Variants in NCOR2 observed in about 807,000 individuals in gnomAD.
The protein encoded by NCOR2 is CTG repeat protein 26.
A neutral mutation model predicts 262.9 loss-of-function variants in NCOR2; 81 were observed. The ratio of observed to expected loss-of-function variants is 0.31; its 90% CI spans 0.26 to 0.37. NCOR2 has a LOEUF of 0.37. Among genes scored for constraint, NCOR2 ranks in the 10% least tolerant of loss-of-function variants. NCOR2 has a pLI of 1.00. For synonymous variants in NCOR2, 1,659 were observed against 1,559.3 expected, an observed-to-expected ratio of 1.06 and a Z score of -1.51; for missense variants, 3,385 against 3,621.4, an observed-to-expected ratio of 0.93 and a Z score of 1.68.
chr12:124,349,550 G>A (rs1172689882), intron 28 of NCOR2, among the ~76,000 whole-genome samples: 1 of 152,150 alleles, frequency 6.6e-6, no homozygotes. Flanking sequence ...TGGACGGCGT[G>A]AGCAGGCACC....
In NCOR2 at chr12:124,348,488, G is replaced by A. The variant is rs929874372; in HGVS notation, c.3845-174C>T. 2.9e-5 allele frequency: 24 copies of A among 840,684 alleles called. No individual in the cohort carries two copies. In the African/African-American group the frequency reaches 3.7e-4, roughly 13 times the overall value. The allele number at this position is 840,684 out of a possible 1,614,324, so 52.1% of individuals were successfully genotyped here. ...GGAGCTGGCAGCCTGCAGGCCCTGG[G>A]GGCCTGCCAGCAGGACCCAGGAGCT... On this transcript the variant is annotated intron_variant, in intron 28 of 46. Coordinates refer to ENST00000405201, the Ensembl canonical transcript of NCOR2.
chr12:124,417,363 C>T (rs539619832), intron 13 of NCOR2, among the ~76,000 whole-genome samples: 5 of 152,296 alleles, frequency 3.3e-5, no homozygotes, highest in South Asian at 2.1e-4. Context: ...CAGGATATGC[C>T]GGGCACCGAC....
chr12:124,434,106 G>A (rs950234730), intron 8 of NCOR2, among the ~76,000 whole-genome samples: 4 of 152,128 alleles, frequency 2.6e-5, no homozygotes, highest in Non-Finnish European at 4.4e-5. Flanking sequence ...TGGCAGGCTT[G>A]GGGGGCTGTG....
intron 20 of NCOR2, among the ~76,000 whole-genome samples, chr12:124,371,501 C>G (rs557248403): frequency 6.6e-6 from 1 of 152,216 alleles, no homozygotes. Context: ...AGTGTGGACA[C>G]AGAGATGCAC....
At chr12:124,544,400 G>A (rs532074236) in intron 1 of NCOR2, among the ~76,000 whole-genome samples, 91 of 152,350 alleles carry the variant, frequency 6.0e-4, no homozygotes, top group African/African-American at 1.8e-3. Context: ...TCTGCCCCGG[G>A]CTGCCCGCCC....
chr12:124,496,852 A>T (rs1246523693), upstream of NCOR2, among the ~76,000 whole-genome samples: 1 of 152,108 alleles, frequency 6.6e-6, no homozygotes, highest in East Asian at 1.9e-4. This position sits in a 1 kb window ranked among gnomAD's most constrained non-coding sequence, Gnocchi z 4.4. Flanking sequence ...AGTCAATGAG[A>T]ATCTGCCTTG....
chr12:124,386,778 A>C (rs1397426400), intron 16 of NCOR2, among the ~76,000 whole-genome samples: 3 of 152,252 alleles, frequency 2.0e-5, no homozygotes, highest in African/African-American at 7.2e-5. Context: ...TGGGAAGCCA[A>C]GCCCCCGGTC....
chr12:124,466,207 C>A (rs760665839), exon 5 of NCOR2: 1 of 1,610,622 alleles, frequency 6.2e-7, no homozygotes, highest in Admixed American at 1.7e-5. Context: ...CACCAGGCTG[C>A]GGTGCTTCGA....
At chr12:124,435,033 A>G (rs186726466) in intron 8 of NCOR2, among the ~76,000 whole-genome samples, 24 of 152,324 alleles carry the variant, frequency 1.6e-4, no homozygotes, top group Middle Eastern at 3.4e-3. Context: ...CTGAGGGCAG[A>G]TGTTTCCACG....
In NCOR2 at chr12:124,483,076, G is replaced by A. The variant is rs11057633; in HGVS notation, c.411+520C>T. ...CAGAGCCCTGAGCTGTCCACCTCGC[G>A]GGCCGGGGTTCAAGGCCCAGGGGGC... On this transcript the variant is annotated intron_variant, in intron 3 of 46. Coordinates refer to ENST00000405201, the Ensembl canonical transcript of NCOR2. The surrounding 1 kb of genome is among the most constrained non-coding windows in gnomAD (Gnocchi z 6.3). Among the ~76,000 whole-genome samples the A allele has an allele frequency of 0.095, 14,500 of 151,960 alleles. 786 individuals carry two copies. Among genetic ancestry groups the A allele is most frequent in the East Asian group, 0.16 (810 of 5,132 alleles).
exon 31 of NCOR2, chr12:124,346,681 C>T: frequency 3.2e-6 from 5 of 1,577,486 alleles, no homozygotes; most frequent in South Asian, 1.2e-5. Context: ...CCGTGGCCAC[C>T]AGGCCCTCAT....
chr12:124,510,654 G>C (rs756787436), intron 1 of NCOR2, among the ~76,000 whole-genome samples: 2 of 152,230 alleles, frequency 1.3e-5, no homozygotes, highest in African/African-American at 4.8e-5. Flanking sequence ...CATGCCTGCT[G>C]CTTAGGTTAG....
At chr12:124,475,942 C>T (rs141033881) in intron 3 of NCOR2, among the ~76,000 whole-genome samples, 33 of 152,316 alleles carry the variant, frequency 2.2e-4, no homozygotes, top group African/African-American at 1.9e-4. Flanking sequence ...TGAGCATAAG[C>T]GCCAAAGCAG....
intron 11 of NCOR2, among the ~76,000 whole-genome samples, chr12:124,422,889 CTT>C (rs1352046466): frequency 6.6e-6 from 1 of 152,208 alleles, no homozygotes; most frequent in Non-Finnish European, 1.5e-5. Flanking sequence ...TTAAAATCCA[CTT>C]TTGTTTCTCT....
At chr12:124,333,309 C>A in intron 41 of NCOR2, 30 bp from the exon 44 acceptor site, 1 of 1,547,842 alleles carries the variant, frequency 6.5e-7, no homozygotes, top group East Asian at 2.3e-5. Context: ...CAGATGTGGT[C>A]AGAGGTCTCC....
At chr12:124,567,076 C>T (rs1470308400) in intron 1 of NCOR2, among the ~76,000 whole-genome samples, 2 of 152,170 alleles carry the variant, frequency 1.3e-5, no homozygotes, top group Non-Finnish European at 2.9e-5. Context: ...CTTCCCGCCC[C>T]CTCGCTAGGG....
chr12:124,337,438 G>A, intron 37 of NCOR2: 1 of 673,384 alleles, frequency 1.5e-6, no homozygotes, highest in Admixed American at 2.0e-5. Flanking sequence ...TCTAGACACT[G>A]TGAATACAGC....
chr12:124,486,193 C>T (rs1223966818), intron 2 of NCOR2, among the ~76,000 whole-genome samples: 2 of 152,240 alleles, frequency 1.3e-5, no homozygotes, highest in African/African-American at 4.8e-5. Context: ...TGGAGGTCCC[C>T]ACTGCTGCCT....
At chr12:124,422,592 AG>A in intron 11 of NCOR2, 37 bp from the exon 14 acceptor site, 3 of 1,612,104 alleles carry the variant, frequency 1.9e-6, no homozygotes, top group South Asian at 1.1e-5. Context: ...GACCTGGCCG[AG>A]GGGGGCTTTC....
Sources: allele counts gnomAD v4.1 joint callset (sites outside exome capture counted in the v4.1 genomes callset), GRCh38; gene constraint gnomAD v4.1.1; non-coding constraint Gnocchi (gnomAD v3.1); transcripts MANE v1.5; gene names NCBI Gene and HGNC (gene_info 2026-07-23, HGNC 2026-07-21).